The following CSMD1 variants were observed in gnomAD, a reference collection of about 807,000 sequenced individuals.
The protein encoded by CSMD1 is CUB and sushi domain-containing protein 1.
Under a neutral mutation model 417.5 loss-of-function variants are expected in CSMD1, and 213 were observed. That is an observed-to-expected ratio of 0.51 (90% CI 0.46 to 0.57). The LOEUF (loss-of-function observed/expected upper bound fraction) is 0.57, where lower values mean the gene tolerates loss of function less well. Among genes scored for constraint, CSMD1 ranks in the 20% least tolerant of loss-of-function variants. CSMD1 has a pLI of 0.00. For missense variants in CSMD1, 6,923 were observed against 4,529.7 expected, an observed-to-expected ratio of 1.53 and a Z score of -15.17; for synonymous variants, 2,862 against 1,736.8, an observed-to-expected ratio of 1.65 and a Z score of -16.11.
intron 5 of CSMD1, among the ~76,000 whole-genome samples, chr8:3,933,051 T>C (rs1234068470): frequency 2.5e-5 from 3 of 121,742 alleles, no homozygotes; most frequent in African/African-American, 6.4e-5. Flanking sequence ...AAACTGCTTG[T>C]GGCAAATTAT....
intron 10 of CSMD1, among the ~76,000 whole-genome samples, chr8:3,547,728 T>C (rs2116754444): frequency 6.6e-6 from 1 of 152,356 alleles, no homozygotes; most frequent in East Asian, 1.9e-4. Flanking sequence ...CAATAGATCT[T>C]ATTTTGGCTT....
rs1375999217 is a variant in CSMD1, at chr8:2,935,959, G to C, written c.*2626C>G. ...GTGTGTGGTCGCGTCCCTCACGCGT[G>C]TTCCCGTTGCCTTCAGGGAAGAGTC... On this transcript the variant is annotated 3_prime_UTR_variant, in exon 70 of 70. Transcript: ENST00000635120. 3 of 152,238 alleles carry C rather than the reference G, an allele frequency of 2.0e-5. No homozygotes were observed. The highest frequency in any genetic ancestry group is 4.4e-5 in the Non-Finnish European group (3 of 68,052). 9.4% of individuals were successfully genotyped at this position (152,238 alleles called of 1,614,324 possible).
At chr8:3,712,355 T>C (rs1440139257) in intron 6 of CSMD1, among the ~76,000 whole-genome samples, 1 of 149,992 alleles carries the variant, frequency 6.7e-6, no homozygotes, top group East Asian at 2.0e-4. Context: ...TGAGCAGAGA[T>C]TTTCATTTGC....
At chr8:3,400,918 T>G (rs1812001005) in intron 15 of CSMD1, among the ~76,000 whole-genome samples, 1 of 149,298 alleles carries the variant, frequency 6.7e-6, no homozygotes, top group Admixed American at 6.8e-5. Flanking sequence ...CTTGAGCTCC[T>G]GAAGAACACT....
chr8:4,214,820 G>A (rs761337267), intron 3 of CSMD1, among the ~76,000 whole-genome samples: 6 of 152,056 alleles, frequency 3.9e-5, no homozygotes, highest in African/African-American at 1.2e-4. Context: ...TCAAAAATAC[G>A]AACAAATTTG....
intron 3 of CSMD1, among the ~76,000 whole-genome samples, chr8:4,398,805 C>T (rs573457889): frequency 8.5e-5 from 13 of 152,164 alleles, no homozygotes; most frequent in Non-Finnish European, 1.8e-4. Context: ...ATGAATGACC[C>T]TATCTTGTGT....
intron 5 of CSMD1, among the ~76,000 whole-genome samples, chr8:3,940,518 T>A (rs1205799596): frequency 6.6e-6 from 1 of 151,236 alleles, no homozygotes; most frequent in African/African-American, 2.4e-5. Context: ...TGTGTGTGTG[T>A]GTGTGTGTGT....
chr8:3,871,771 CAT>C (rs1417426524), intron 5 of CSMD1, among the ~76,000 whole-genome samples: 1 of 152,088 alleles, frequency 6.6e-6, no homozygotes, highest in East Asian at 1.9e-4. Flanking sequence ...TGGTGGATGA[CAT>C]AAAGATTAAA....
intron 1 of CSMD1, among the ~76,000 whole-genome samples, chr8:4,798,134 G>C (rs903963265): frequency 6.6e-6 from 1 of 152,136 alleles, no homozygotes; most frequent in African/African-American, 2.4e-5. Context: ...TTTACATTAG[G>C]TATATCTCCT....
chr8:3,329,831 T>A (rs970735069), intron 23 of CSMD1, among the ~76,000 whole-genome samples: 8 of 152,190 alleles, frequency 5.3e-5, no homozygotes, highest in African/African-American at 1.9e-4. Context: ...CTAACTTACT[T>A]GCTAGGGGCA....
chr8:4,445,218 C>T (rs907873145), intron 2 of CSMD1, among the ~76,000 whole-genome samples: 12 of 152,066 alleles, frequency 7.9e-5, no homozygotes, highest in Admixed American at 3.3e-4. Flanking sequence ...CTACTTTCTT[C>T]ATTGTTTGAC....
chr8:3,423,707 G>T (rs765538462), intron 12 of CSMD1, among the ~76,000 whole-genome samples: 1 of 152,192 alleles, frequency 6.6e-6, no homozygotes, highest in African/African-American at 2.4e-5. Context: ...TCCATCCCAG[G>T]TCTTTGTGTG....
intron 6 of CSMD1, among the ~76,000 whole-genome samples, chr8:3,744,800 T>C (rs917026446): frequency 1.2e-4 from 17 of 144,024 alleles, no homozygotes; most frequent in African/African-American, 3.9e-4. Context: ...TGAATGACAT[T>C]CTTATTTATT....
intron 2 of CSMD1, among the ~76,000 whole-genome samples, chr8:4,436,965 G>C (rs902193714): frequency 2.6e-5 from 4 of 152,160 alleles, no homozygotes; most frequent in African/African-American, 9.7e-5. Flanking sequence ...AGTGTACAGT[G>C]CTGCAATTTG....
chr8:3,345,317 A>G (rs1807917213), intron 22 of CSMD1, among the ~76,000 whole-genome samples: 1 of 152,180 alleles, frequency 6.6e-6, no homozygotes, highest in Admixed American at 6.5e-5. Context: ...CAAAAGCTGA[A>G]TCGTAAGATT....
chr8:3,377,497 C>T (rs7017606), intron 18 of CSMD1, among the ~76,000 whole-genome samples: 540 of 152,278 alleles, frequency 3.5e-3, no homozygotes, highest in African/African-American at 0.012. Flanking sequence ...GAAAATGCCA[C>T]CCATATAACT....
At chr8:3,007,005 A>C (rs1807969490) in intron 52 of CSMD1, among the ~76,000 whole-genome samples, 2 of 144,874 alleles carry the variant, frequency 1.4e-5, no homozygotes, top group African/African-American at 5.7e-5. Context: ...AATGGGAGAA[A>C]ATTTTTGCAA....
chr8:4,567,982 T>G lies in CSMD1; in HGVS notation c.302+69360A>C, dbSNP rs1433958342. ...ACAGCACAAGGACTGTTATTTAACT[T>G]TGAGTATCAGTGATTTTCACAGGGC... On this transcript the variant is annotated intron_variant, in intron 2 of 69. Coordinates refer to ENST00000635120, the MANE Select transcript of CSMD1 (RefSeq NM_033225.6). 2.6e-5 allele frequency among the ~76,000 whole-genome samples: 4 copies of G among 152,204 alleles called. No individual in the cohort carries two copies. The South Asian group carries it at 6.2e-4, about 24-fold the overall frequency.
chr8:3,241,195 G>A (rs1461137977), intron 26 of CSMD1, among the ~76,000 whole-genome samples: 2 of 151,564 alleles, frequency 1.3e-5, no homozygotes, highest in Non-Finnish European at 2.9e-5. Context: ...GCCTAATAAG[G>A]GAACTGGGCA....
Sources: allele counts gnomAD v4.1 joint callset (sites outside exome capture counted in the v4.1 genomes callset), GRCh38; gene constraint gnomAD v4.1.1; transcripts MANE v1.5; gene names NCBI Gene and HGNC (gene_info 2026-07-23, HGNC 2026-07-21).